The following EML6 variants were observed in gnomAD, a reference collection of about 807,000 sequenced individuals.
EML6 encodes the protein echinoderm microtubule-associated protein-like 6.
A neutral mutation model predicts 240.1 loss-of-function variants in EML6; 154 were observed. The ratio of observed to expected loss-of-function variants is 0.64; its 90% confidence interval spans 0.56 to 0.73. The LOEUF (loss-of-function observed/expected upper bound fraction) is 0.73, where lower values mean the gene tolerates loss of function less well. EML6 is among the 30% of genes least tolerant of loss of function. The pLI, the probability that EML6 is intolerant of heterozygous loss-of-function variation, is 0.00. For synonymous variants in EML6, 1,148 were observed against 899.0 expected, an observed-to-expected ratio of 1.28 and a Z score of -4.95; for missense variants, 2,964 against 2,474.6, an observed-to-expected ratio of 1.20 and a Z score of -4.20.
chr2:54,792,413 CT>C (rs1439551156), intron 2 of EML6, among the ~76,000 whole-genome samples: 2 of 152,170 alleles, frequency 1.3e-5, no homozygotes, highest in Admixed American at 6.5e-5. Flanking sequence ...TGATTTGGGG[CT>C]TTGAATAGGC....
chr2:54,861,357 G>T (rs1314251860), intron 12 of EML6, among the ~76,000 whole-genome samples: 3 of 152,168 alleles, frequency 2.0e-5, no homozygotes, highest in African/African-American at 7.2e-5. Context: ...CACAGAAAAT[G>T]AAGAGGTAGA....
At chr2:54,903,774 A>G (rs925080601) in intron 24 of EML6, among the ~76,000 whole-genome samples, 22 of 152,226 alleles carry the variant, frequency 1.4e-4, no homozygotes, top group Admixed American at 1.4e-3. Context: ...GCCTTTTGTT[A>G]TCATAGCAAG....
At position 54,847,472 on chromosome 2, in the gene EML6, G is replaced by T; in HGVS notation, c.1050-14G>T. Reference sequence around the variant, plus strand: ...GTTGGTTTTGTTTTGTTTTGACTTCGTTCTTGTGCCTAGGCTGTGGAGCCT... The same window carrying T: ...GTTGGTTTTGTTTTGTTTTGACTTCTTTCTTGTGCCTAGGCTGTGGAGCCT... On this transcript the variant is annotated splice_polypyrimidine_tract_variant and intron_variant, in intron 8 of 41. Transcript: ENST00000356458. 7 of 1,549,536 alleles carry T rather than the reference G, an allele frequency of 4.5e-6. No individual in the cohort carries two copies. The highest frequency in any genetic ancestry group is 5.2e-6 in the Non-Finnish European group (6 of 1,146,248).
At position 54,725,472 on chromosome 2, in the gene EML6, C is replaced by G. The variant is rs935025203; in HGVS notation, c.197+214C>G. 1.3e-5 allele frequency among the ~76,000 whole-genome samples: 2 copies of G among 152,110 alleles called. No homozygotes were observed. Among genetic ancestry groups the G allele is most frequent in the Non-Finnish European group, 2.9e-5 (2 of 68,010 alleles). On this transcript the variant is annotated intron_variant, in intron 2 of 41. Coordinates refer to ENST00000356458, the MANE Select transcript of EML6 (RefSeq NM_001039753.4). The surrounding 1 kb of genome is among the most constrained non-coding windows in gnomAD (Gnocchi z 4.3). ...AGGGAGAGATGTCTTTTCGCTGTAT[C>G]CCTCCGGAATTCTGGCTTTTAAATC...
At chr2:54,794,078 T>A (rs1007656133) in intron 2 of EML6, among the ~76,000 whole-genome samples, 1 of 152,166 alleles carries the variant, frequency 6.6e-6, no homozygotes, top group Non-Finnish European at 1.5e-5. Context: ...CTAAGTATAT[T>A]CCATATATTA....
chr2:54,887,143 A>G (rs1672192413), intron 17 of EML6, among the ~76,000 whole-genome samples: 1 of 152,216 alleles, frequency 6.6e-6, no homozygotes, highest in Non-Finnish European at 1.5e-5. Context: ...TTCTGCTGTC[A>G]GTAATACTCA....
intron 2 of EML6, among the ~76,000 whole-genome samples, chr2:54,788,010 C>T (rs895765443): frequency 3.3e-5 from 5 of 152,174 alleles, no homozygotes; most frequent in Non-Finnish European, 7.3e-5. Flanking sequence ...CACCCCACAG[C>T]TGTTGACCAT....
chr2:54,910,926 ATC>A (rs1349388840), intron 24 of EML6, 26 bp from the exon 25 acceptor site: 2 of 1,182,896 alleles, frequency 1.7e-6, no homozygotes, highest in African/African-American at 3.1e-5. Flanking sequence ...GATTTTAATT[ATC>A]TCTCTACTTC....
At chr2:54,958,182 G>A (rs1676324047) in intron 33 of EML6, among the ~76,000 whole-genome samples, 184 bp downstream of exon 33, 2 of 152,012 alleles carry the variant, frequency 1.3e-5, no homozygotes, top group South Asian at 2.1e-4. Flanking sequence ...GGGTGGGTTG[G>A]CAACATACAT....
chr2:54,932,203 G>A (rs1038969535), intron 28 of EML6, among the ~76,000 whole-genome samples: 5 of 152,336 alleles, frequency 3.3e-5, no homozygotes, highest in South Asian at 2.1e-4. Flanking sequence ...TCCATGAGGT[G>A]TTCAGCGGGT....
At chr2:54,929,861 A>G (rs886323554) in intron 28 of EML6, among the ~76,000 whole-genome samples, 8 of 152,210 alleles carry the variant, frequency 5.3e-5, no homozygotes, top group Non-Finnish European at 1.2e-4. Context: ...AAAGATCCAG[A>G]GCTTTCTTTT....
At chr2:54,798,440 T>C (rs1174046190) in intron 2 of EML6, among the ~76,000 whole-genome samples, 1 of 152,212 alleles carries the variant, frequency 6.6e-6, no homozygotes, top group African/African-American at 2.4e-5. Flanking sequence ...CCTAAAGTGC[T>C]GGGATTACAG....
In EML6 at chr2:54,829,448, A is replaced by T. The variant is rs372229928; in HGVS notation, c.818A>T (p.Asp273Val). 1 of 1,551,776 alleles carries T rather than the reference A, an allele frequency of 6.4e-7. No individual in the cohort carries two copies. The highest frequency in any genetic ancestry group is 1.4e-5 in the African/African-American group (1 of 73,044). Residue 273 changes from aspartate (D) to valine (V), a missense_variant, in exon 7 of 42, where the codon GAT (aspartate) becomes GTT (valine). Coordinates refer to ENST00000356458, the MANE Select transcript of EML6 (RefSeq NM_001039753.4). Reference sequence around the variant, plus strand: ...GATTTCAAACCAATAACCAAAATTGATCTCAGGGAGACAGAACAAGGATAC... The same window carrying T: ...GATTTCAAACCAATAACCAAAATTGTTCTCAGGGAGACAGAACAAGGATAC... ...DTDFKPITKI[D>V]LRETEQGYKG... is the part of the protein sequence containing the mutation.
chr2:54,809,868 G>C (rs4671977), intron 2 of EML6, among the ~76,000 whole-genome samples: 47,828 of 151,988 alleles, frequency 0.31, 8,478 homozygotes, highest in Middle Eastern at 0.46. Flanking sequence ...GCTGTGCCCT[G>C]GATGAGACAT....
Position 54,948,957 on chromosome 2 carries a change from T to A in EML6, c.4080T>A (p.Val1360=). Residue 1360 remains valine (V), a synonymous_variant, in exon 29 of 42, where the codon GTT becomes GTA. Coordinates refer to ENST00000356458, the MANE Select transcript of EML6 (RefSeq NM_001039753.4). The stretch of plus-strand genomic sequence containing the variant: ...ATATCACCAAAAAAAAGAAACTGGT[T>A]GAGGTGAGTTAAACAATCACTTGTA... ...KNNITKKKKL[V]EELALDHVFG... 2 of 1,549,022 alleles carry A rather than the reference T, an allele frequency of 1.3e-6. No individual in the cohort carries two copies. The highest frequency in any genetic ancestry group is 2.4e-5 in the South Asian group (2 of 84,026).
chr2:54,800,961 T>A lies in EML6; in HGVS notation c.198-12271T>A, dbSNP rs139842811. Reference sequence around the variant, plus strand: ...AGGGGTCAAGGAGCTAGAATAAAGTTACCCTTCATGTTATCTGTTTCCTTG... The same window carrying A: ...AGGGGTCAAGGAGCTAGAATAAAGTAACCCTTCATGTTATCTGTTTCCTTG... On this transcript the variant is annotated intron_variant, in intron 2 of 41. Transcript: ENST00000356458. Among the ~76,000 whole-genome samples the A allele has an allele frequency of 6.0e-4, 92 of 152,260 alleles. 1 individual carries two copies. Among genetic ancestry groups the A allele is most frequent in the African/African-American group, 2.0e-3 (85 of 41,564 alleles).
intron 28 of EML6, among the ~76,000 whole-genome samples, chr2:54,948,185 T>A (rs973548788): frequency 6.6e-6 from 1 of 152,116 alleles, no homozygotes; most frequent in Admixed American, 6.5e-5. Context: ...GCTTACACAT[T>A]ATAAAATCTC....
chr2:54,906,781 C>T (rs1451051365), intron 24 of EML6, among the ~76,000 whole-genome samples: 1 of 152,170 alleles, frequency 6.6e-6, no homozygotes, highest in Non-Finnish European at 1.5e-5. Context: ...CCTGCATTCC[C>T]AACACCTCAG....
chr2:54,841,627 T>C (rs978205674), intron 7 of EML6, among the ~76,000 whole-genome samples: 29 of 149,414 alleles, frequency 1.9e-4, no homozygotes, highest in Non-Finnish European at 3.3e-4. Context: ...TCTTGCTCTG[T>C]CGCCCAGGCT....
Sources: allele counts gnomAD v4.1 joint callset (sites outside exome capture counted in the v4.1 genomes callset), GRCh38; gene constraint gnomAD v4.1.1; non-coding constraint Gnocchi (gnomAD v3.1); transcripts MANE v1.5; gene names NCBI Gene and HGNC (gene_info 2026-07-23, HGNC 2026-07-21).